The following ZNF106 variants were observed in gnomAD, a reference collection of about 807,000 sequenced individuals.
The protein encoded by ZNF106 is zinc finger protein 106.
ZNF106 carries 67 observed loss-of-function variants against 195.1 expected under a neutral mutation model. The observed-to-expected ratio is 0.34, with a 90% CI of 0.28 to 0.42. ZNF106 has a LOEUF of 0.42. Ranked by LOEUF, ZNF106 falls within the 10% of genes least tolerant of loss-of-function variation. ZNF106 has a pLI of 1.00. For synonymous variants in ZNF106, 784 were observed against 818.6 expected (o/e 0.96, Z 0.72); for missense variants, 2,118 against 2,304.5 (o/e 0.92, Z 1.66).
At chr15:42,487,490 CAAAAA>C (rs961444853) in intron 1 of ZNF106, among the ~76,000 whole-genome samples, 4 of 44,724 alleles carry the variant, frequency 8.9e-5, no homozygotes, top group South Asian at 1.2e-3. Flanking sequence ...GACCCTGTCT[CAAAAA>C]AAAAAAAAAA....
intron 3 of ZNF106, among the ~76,000 whole-genome samples, chr15:42,458,006 G>C (rs568846282): frequency 6.6e-6 from 1 of 152,270 alleles, no homozygotes; most frequent in East Asian, 1.9e-4. Context: ...TAGCAGATCA[G>C]TAATTTAACT....
At chr15:42,460,926 A>G (rs1459957072) in intron 3 of ZNF106, among the ~76,000 whole-genome samples, 1 of 152,094 alleles carries the variant, frequency 6.6e-6, no homozygotes, top group South Asian at 2.1e-4. Context: ...CATTTTTCTT[A>G]TAAATAAAAT....
Position 42,421,070 on chromosome 15 carries a change from G to A in ZNF106, c.5508C>T (p.Tyr1836=). 6.2e-7 allele frequency: 1 copy of A among 1,614,104 alleles called. No homozygotes were observed. Among genetic ancestry groups the A allele is most frequent in the Non-Finnish European group, 8.5e-7 (1 of 1,180,016 alleles). ...GAGTTTCACTCCTTACCCAACAGCG[G>A]TAATTCTGCATCAGATTAAGCCTCA... The part of the protein sequence containing the change: ...QAVRLNLMQN[Y]RCWWHGCSLI... Residue 1836 remains tyrosine (Y), a synonymous_variant, in exon 20 of 22, where the codon TAC becomes TAT. Transcript: ENST00000564754.
At chr15:42,481,122 CT>C (rs990425280) in intron 1 of ZNF106, among the ~76,000 whole-genome samples, 1 of 151,986 alleles carries the variant, frequency 6.6e-6, no homozygotes, top group Non-Finnish European at 1.5e-5. Context: ...CAAGATGATG[CT>C]TTTTTGTGCT....
At chr15:42,417,734 A>G in intron 21 of ZNF106, 71 bp downstream of exon 21, 1 of 1,479,044 alleles carries the variant, frequency 6.8e-7, no homozygotes, top group Non-Finnish European at 9.0e-7. Context: ...TCAATAATAA[A>G]AAAGGTTTGC....
At chr15:42,452,293 C>T (rs904643229) in intron 4 of ZNF106, among the ~76,000 whole-genome samples, 3 of 151,928 alleles carry the variant, frequency 2.0e-5, no homozygotes, top group Admixed American at 6.6e-5. Flanking sequence ...GAGGCCGAGG[C>T]GGGCAGTTCA....
At chr15:42,436,280 C>T (rs1163183973) in intron 13 of ZNF106, among the ~76,000 whole-genome samples, 9 of 152,056 alleles carry the variant, frequency 5.9e-5, no homozygotes, top group Non-Finnish European at 8.8e-5. Flanking sequence ...TGGGTACATT[C>T]CAAATGTTAT....
chr15:42,444,481 G>C (rs968740543), intron 8 of ZNF106, among the ~76,000 whole-genome samples: 1 of 152,134 alleles, frequency 6.6e-6, no homozygotes. Flanking sequence ...CCAAAACACT[G>C]AAAGAAATTG....
In ZNF106 at chr15:42,444,845, T is replaced by A; in HGVS notation, c.3342A>T (p.Leu1114=). The change falls in exon 8 of 22, where the codon CTA becomes CTT. Residue 1114 remains leucine (L), a synonymous_variant. Transcript: ENST00000564754. ...LQTAYVEVQR[L]LMLKQQITME... is the part of the protein sequence containing the mutation. ...CTGTTACCTGCTGCTTGAGCATAAG[T>A]AGCCTCTGAACTTCCACATAAGCTG... 6.2e-7 allele frequency: 1 copy of A among 1,613,994 alleles called. No homozygotes were observed. The highest frequency in any genetic ancestry group is 8.5e-7 in the Non-Finnish European group (1 of 1,179,964).
chr15:42,441,334 C>G (rs922887890), intron 10 of ZNF106, among the ~76,000 whole-genome samples: 6 of 151,674 alleles, frequency 4.0e-5, no homozygotes, highest in Admixed American at 1.3e-4. Context: ...CAGAGTGAGA[C>G]TCTGTCTCAA....
chr15:42,420,454 G>T (rs557255636), intron 20 of ZNF106, among the ~76,000 whole-genome samples: 1 of 152,274 alleles, frequency 6.6e-6, no homozygotes, highest in South Asian at 2.1e-4. Context: ...ATAGTAATAT[G>T]TAAAGAGCTA....
chr15:42,414,327 C>A lies in ZNF106; in HGVS notation c.*2977G>T, dbSNP rs2054369024. The A allele has an allele frequency of 6.6e-6, 1 of 152,172 alleles. No individual in the cohort carries two copies. Among genetic ancestry groups the A allele is most frequent in the South Asian group, 2.1e-4 (1 of 4,832 alleles). The allele number at this position is 152,172 out of a possible 1,614,324, so 9.4% of individuals were successfully genotyped here. A position where few individuals can be genotyped will look rare whatever the true frequency, so the allele number is the denominator to read the frequency against. On this transcript the variant is annotated 3_prime_UTR_variant, in exon 22 of 22. Transcript: ENST00000564754. ...CACACAGCCATAAGCAGCCAAAATG[C>A]TTATGGTCCCTTTATTTCTTAATAG... is the stretch of plus-strand genomic sequence containing the variant.
At position 42,438,716 on chromosome 15, in the gene ZNF106, G is replaced by A. The variant is rs757404142; in HGVS notation, c.4545-49C>T. 4.5e-6 allele frequency: 7 copies of A among 1,555,496 alleles called. No individual in the cohort carries two copies. The African/African-American group carries it at 8.2e-5, about 18-fold the overall frequency. On this transcript the variant is annotated intron_variant, in intron 11 of 21. Transcript: ENST00000564754. The stretch of plus-strand genomic sequence containing the variant: ...TCTCAGCATCTGTGTGAACAGGGCA[G>A]GTAGTAAAAGTAAAAATTTCTGACT...
intron 1 of ZNF106, among the ~76,000 whole-genome samples, chr15:42,487,225 T>A (rs1485905329): frequency 6.6e-6 from 1 of 152,050 alleles, no homozygotes; most frequent in Non-Finnish European, 1.5e-5. Flanking sequence ...AGCACACTTA[T>A]AATCCTAGCA....
At chr15:42,433,885 G>T (rs1567002717) in intron 14 of ZNF106, among the ~76,000 whole-genome samples, 1 of 151,996 alleles carries the variant, frequency 6.6e-6, no homozygotes, top group African/African-American at 2.4e-5. Context: ...TTCTTGTTCT[G>T]TCACCCAGGC....
intron 3 of ZNF106, among the ~76,000 whole-genome samples, chr15:42,458,885 T>G (rs746244333): frequency 4.0e-5 from 6 of 151,808 alleles, no homozygotes; most frequent in Non-Finnish European, 5.9e-5. Context: ...GGTGACAAAG[T>G]TTAAACACTC....
chr15:42,459,179 TAAAG>T (rs1180850221), intron 3 of ZNF106, among the ~76,000 whole-genome samples: 1 of 152,100 alleles, frequency 6.6e-6, no homozygotes, highest in Non-Finnish European at 1.5e-5. Flanking sequence ...TTTATACACT[TAAAG>T]AATAATCTTC....
intron 1 of ZNF106, among the ~76,000 whole-genome samples, chr15:42,489,574 T>C (rs776936336): frequency 1.3e-5 from 2 of 152,204 alleles, no homozygotes; most frequent in Non-Finnish European, 2.9e-5. Flanking sequence ...ACTCTAGGCA[T>C]GGCGCGGTAT....
intron 16 of ZNF106, 47 bp downstream of exon 16, chr15:42,424,787 C>A: frequency 6.3e-7 from 1 of 1,577,952 alleles, no homozygotes; most frequent in Non-Finnish European, 8.6e-7. Context: ...GCCTCAAAAC[C>A]CTTCTATTTG....
Sources: allele counts gnomAD v4.1 joint callset (sites outside exome capture counted in the v4.1 genomes callset), GRCh38; gene constraint gnomAD v4.1.1; transcripts MANE v1.5; gene names NCBI Gene and HGNC (gene_info 2026-07-23, HGNC 2026-07-21).